The following REEP1 variants were observed in gnomAD, a reference collection of about 807,000 sequenced individuals.
REEP1 encodes receptor accessory protein 1.
Under a neutral mutation model 40.3 loss-of-function variants are expected in REEP1, and 22 were observed. The ratio of observed to expected loss-of-function variants is 0.55; its 90% CI spans 0.39 to 0.78. The LOEUF is 0.78. Ranked by LOEUF, REEP1 falls within the 30% of genes least tolerant of loss-of-function variation. The pLI is 0.00. For missense variants in REEP1, 280 were observed against 361.1 expected, an observed-to-expected ratio of 0.78 and a Z score of 1.82; for synonymous variants, 116 against 139.2, an observed-to-expected ratio of 0.83 and a Z score of 1.17.
At chr2:86,304,802 T>G (rs1167897639) in intron 1 of REEP1, among the ~76,000 whole-genome samples, 1 of 152,154 alleles carries the variant, frequency 6.6e-6, no homozygotes, top group Non-Finnish European at 1.5e-5. Context: ...CCCAAAATGC[T>G]CTCAGATTTT....
intron 2 of REEP1, 131 bp from the exon 3 acceptor site, chr2:86,264,172 C>T (rs1274890643): frequency 2.7e-6 from 2 of 729,454 alleles, no homozygotes; most frequent in African/African-American, 3.5e-5. Context: ...TTGTAGCCTT[C>T]TCCCTATCCT....
chr2:86,303,704 G>A (rs1014469371), intron 1 of REEP1, among the ~76,000 whole-genome samples: 3 of 152,174 alleles, frequency 2.0e-5, no homozygotes, highest in Non-Finnish European at 4.4e-5. Context: ...AAGGGCAGGA[G>A]ATGTTCCAGC....
At chr2:86,312,540 T>C (rs1257531188) in intron 1 of REEP1, among the ~76,000 whole-genome samples, 3 of 152,150 alleles carry the variant, frequency 2.0e-5, no homozygotes, top group African/African-American at 7.2e-5. Flanking sequence ...CTCTAATATG[T>C]AATGTTTAAG....
chr2:86,318,269 C>A (rs1233397531), intron 1 of REEP1, among the ~76,000 whole-genome samples: 1 of 152,124 alleles, frequency 6.6e-6, no homozygotes, highest in Non-Finnish European at 1.5e-5. Context: ...CCAACCACCA[C>A]TAATAAGGTT....
At chr2:86,297,964 G>A (rs1489863441) in intron 1 of REEP1, among the ~76,000 whole-genome samples, 2 of 152,176 alleles carry the variant, frequency 1.3e-5, no homozygotes, top group Non-Finnish European at 2.9e-5. Context: ...ATATAGGGTC[G>A]CATGCCCCAC....
At chr2:86,242,026 CT>C (rs376370772) in intron 5 of REEP1, among the ~76,000 whole-genome samples, 114 of 145,562 alleles carry the variant, frequency 7.8e-4, no homozygotes, top group Admixed American at 1.4e-3. Context: ...CAGGGCCTGA[CT>C]TTTTTTTTTT....
At chr2:86,242,664 C>T (rs1349890829) in intron 5 of REEP1, among the ~76,000 whole-genome samples, 1 of 152,110 alleles carries the variant, frequency 6.6e-6, no homozygotes, top group African/African-American at 2.4e-5. Context: ...GTACAGAAGG[C>T]AGTTCTGTGA....
At position 86,282,567 on chromosome 2, in the gene REEP1, C is replaced by T. The variant is rs540737322; in HGVS notation, c.33-325G>A. Reference sequence around the variant, plus strand: ...ATTAAAGGCTGCCTTTCCTCTCCTGCTGCTAACCCCCCTCTGAAGCTCTGT... The same window carrying T: ...ATTAAAGGCTGCCTTTCCTCTCCTGTTGCTAACCCCCCTCTGAAGCTCTGT... On this transcript the variant is annotated intron_variant, in intron 1 of 8. Transcript: ENST00000538924. Among the ~76,000 whole-genome samples the T allele has an allele frequency of 2.5e-4, 37 of 150,562 alleles. No homozygotes were observed. In the South Asian group the frequency reaches 7.7e-3, roughly 32 times the overall value.
At chr2:86,244,109 T>G (rs1410784465) in intron 5 of REEP1, among the ~76,000 whole-genome samples, 1 of 151,888 alleles carries the variant, frequency 6.6e-6, no homozygotes, top group Non-Finnish European at 1.5e-5. Context: ...TAACAGGTAG[T>G]TTTTTTTGCT....
Position 86,259,754 on chromosome 2 carries a change from C to T in REEP1, c.182+4211G>A, listed in dbSNP as rs114334573. Among the ~76,000 whole-genome samples, 1,241 of 152,152 alleles carry T rather than the reference C, an allele frequency of 8.2e-3. 21 individuals carry two copies. Among genetic ancestry groups the T allele is most frequent in the African/African-American group, 0.029 (1,198 of 41,470 alleles). On this transcript the variant is annotated intron_variant, in intron 3 of 8. Coordinates refer to ENST00000538924, the MANE Select transcript of REEP1 (RefSeq NM_001371279.1). ...CCTCTACAACCTGTGAAACAAGCCA[C>T]CATCTTATCTATTCTGGGACCATAA...
In REEP1 at chr2:86,254,956, T is replaced by A; in HGVS notation, c.183-142A>T. On this transcript the variant is annotated intron_variant, in intron 3 of 8. Transcript: ENST00000538924. The stretch of plus-strand genomic sequence containing the variant: ...TTCCCAGATTCCTCTGTCCTCCACC[T>A]ATGAAGGTGAGGGCACACACTTGCA... 10 of 842,394 alleles carry A rather than the reference T, an allele frequency of 1.2e-5. No homozygotes were observed. The South Asian group carries it at 1.6e-4, about 13-fold the overall frequency. 52.2% of individuals were successfully genotyped at this position (842,394 alleles called of 1,614,324 possible).
chr2:86,301,864 G>C (rs1162976941), intron 1 of REEP1, among the ~76,000 whole-genome samples: 1 of 152,214 alleles, frequency 6.6e-6, no homozygotes, highest in Non-Finnish European at 1.5e-5. Context: ...CCAATTCCCT[G>C]TAGGCAGATG....
intron 8 of REEP1, 77 bp from the exon 9 acceptor site, chr2:86,217,187 T>C: frequency 1.6e-6 from 2 of 1,273,530 alleles, no homozygotes; most frequent in Non-Finnish European, 2.3e-6. Context: ...CTGGAAGGCA[T>C]TGTGTTGAGA....
chr2:86,302,145 A>G (rs917228618), intron 1 of REEP1, among the ~76,000 whole-genome samples: 4 of 152,212 alleles, frequency 2.6e-5, no homozygotes, highest in African/African-American at 9.6e-5. Flanking sequence ...CCTATTCCAG[A>G]AAGCTGTGCA....
At position 86,317,264 on chromosome 2, in the gene REEP1, G is replaced by GA. The variant is rs906116061; in HGVS notation, c.32+20214dup. Among the ~76,000 whole-genome samples the GA allele has an allele frequency of 8.7e-5, 13 of 150,154 alleles. 1 individual carries two copies. The highest frequency in any genetic ancestry group is 4.2e-4 in the South Asian group (2 of 4,724). ...TCTAATTGCATCCAAATAGAAACAGGAAAAAAAAACACCAATAAAGGATTT... is the reference window on the plus strand; with the variant it reads ...TCTAATTGCATCCAAATAGAAACAGGAAAAAAAAAACACCAATAAAGGATTT... On this transcript the variant is annotated intron_variant, in intron 1 of 8. Transcript: ENST00000538924.
At chr2:86,292,912 G>C (rs1336447129) in intron 1 of REEP1, among the ~76,000 whole-genome samples, 1 of 152,126 alleles carries the variant, frequency 6.6e-6, no homozygotes, top group Non-Finnish European at 1.5e-5. Flanking sequence ...GTCTGGCAGA[G>C]GGTATCAAAA....
intron 2 of REEP1, among the ~76,000 whole-genome samples, chr2:86,279,786 C>T (rs999495376): frequency 1.1e-4 from 16 of 152,184 alleles, no homozygotes; most frequent in African/African-American, 2.7e-4. Flanking sequence ...AGGACACAGC[C>T]TCTCCCCTGG....
intron 1 of REEP1, among the ~76,000 whole-genome samples, chr2:86,303,580 G>T (rs1179825608): frequency 6.6e-6 from 1 of 152,064 alleles, no homozygotes; most frequent in Non-Finnish European, 1.5e-5. Context: ...TCCCAGGCTG[G>T]TCTCAAACTC....
intron 1 of REEP1, among the ~76,000 whole-genome samples, chr2:86,292,851 A>G (rs1172377863): frequency 1.3e-5 from 2 of 152,140 alleles, no homozygotes; most frequent in African/African-American, 4.8e-5. Flanking sequence ...CTCACACAGC[A>G]GGTACTGATG....
Sources: gnomAD v4.1 joint callset for allele counts (sites outside exome capture counted in the v4.1 genomes callset) on GRCh38, gnomAD v4.1.1 for gene constraint, MANE v1.5 for transcripts, NCBI Gene and HGNC (gene_info 2026-07-23, HGNC 2026-07-21) for gene names.